Variants in ACOT7 observed in about 807,000 individuals in gnomAD.
The protein encoded by ACOT7 is acyl-CoA thioesterase 7.
Under a neutral mutation model 40.2 loss-of-function variants are expected in ACOT7, and 12 were observed. The ratio of observed to expected loss-of-function variants is 0.30; its 90% CI spans 0.19 to 0.48. The LOEUF is 0.48. ACOT7 is among the 20% of genes least tolerant of loss of function. ACOT7 has a pLI of 0.99. For missense variants in ACOT7, 395 were observed against 530.8 expected, an observed-to-expected ratio of 0.74 and a Z score of 2.51; for synonymous variants, 228 against 219.5, an observed-to-expected ratio of 1.04 and a Z score of -0.34.
At chr1:6,333,912 G>A (rs1456413817) in intron 3 of ACOT7, among the ~76,000 whole-genome samples, 2 of 152,114 alleles carry the variant, frequency 1.3e-5, no homozygotes, top group African/African-American at 2.4e-5. Flanking sequence ...ACCCACTCTG[G>A]GGCAGTTCTC....
chr1:6,391,792 C>T (rs1642537405), intron 1 of ACOT7, among the ~76,000 whole-genome samples: 1 of 152,160 alleles, frequency 6.6e-6, no homozygotes, highest in South Asian at 2.1e-4. Flanking sequence ...GTGGCACTAC[C>T]GACCATCAAC....
rs370806018 is a variant in ACOT7, at chr1:6,281,316, C to T, written c.830-30G>A. 96 of 1,591,000 alleles carry T rather than the reference C, an allele frequency of 6.0e-5. No homozygotes were observed. In the African/African-American group the frequency reaches 1.1e-3, roughly 19 times the overall value. On this transcript the variant is annotated intron_variant, in intron 7 of 8. Coordinates refer to ENST00000361521, the MANE Select transcript of ACOT7 (RefSeq NM_007274.4). ...GGAGAAGGGAGGGCGGGGGTCAGGG[C>T]GGCCTCCACCCCACGGCTGGGCGGG...
chr1:6,305,028 C>T (rs1348307506), intron 6 of ACOT7, among the ~76,000 whole-genome samples: 1 of 149,164 alleles, frequency 6.7e-6, no homozygotes, highest in African/African-American at 2.5e-5. Context: ...GGGGCGCTGA[C>T]CCCCCCGCCT....
chr1:6,385,163 C>CCAGCTGCCAGCTGTGAGCCAGCA, intron 1 of ACOT7, among the ~76,000 whole-genome samples: 1 of 152,032 alleles, frequency 6.6e-6, no homozygotes, highest in Admixed American at 6.5e-5. Context: ...GGCACGGATG[C>CCAGCTGCCAGCTGTGAGCCAGCA]CAGCTGCCAG....
rs530615047 is a variant in ACOT7, at chr1:6,301,633, A to G, written c.713-6653T>C. 6.6e-6 allele frequency among the ~76,000 whole-genome samples: 1 copy of G among 152,344 alleles called. No homozygotes were observed. The highest frequency in any genetic ancestry group is 1.9e-4 in the East Asian group (1 of 5,194). On this transcript the variant is annotated intron_variant, in intron 6 of 8. Coordinates refer to ENST00000361521, the MANE Select transcript of ACOT7 (RefSeq NM_007274.4). The surrounding 1 kb of genome is among the most constrained non-coding windows in gnomAD (Gnocchi z 4.1). ...TGGTTGCTGAATGAATGAATTAATC[A>G]ATGAATGAATGCAGGTTGACTAACA... is the stretch of plus-strand genomic sequence containing the variant.
rs189413926 is a variant in ACOT7 at position 6,362,867 on chromosome 1, T to C, written c.144-13001A>G. On this transcript the variant is annotated intron_variant, in intron 1 of 8. Transcript: ENST00000361521. ...GAGCTGGAGACTCTTCTAGGCAACA[T>C]GGTGAGACCCCATCTCTACCAAAAA... is the stretch of plus-strand genomic sequence containing the variant. 1.5e-3 allele frequency among the ~76,000 whole-genome samples: 226 copies of C among 152,056 alleles called. 1 individual carries two copies. The highest frequency in any genetic ancestry group is 5.4e-3 in the African/African-American group (222 of 41,466).
chr1:6,336,790 A>T (rs1641117420), intron 3 of ACOT7, among the ~76,000 whole-genome samples: 1 of 152,208 alleles, frequency 6.6e-6, no homozygotes, highest in Non-Finnish European at 1.5e-5. Flanking sequence ...CAGGGGACAC[A>T]TGGGCAGAGA....
chr1:6,370,162 T>G (rs1642101317), intron 1 of ACOT7, among the ~76,000 whole-genome samples: 1 of 152,124 alleles, frequency 6.6e-6, no homozygotes, highest in East Asian at 1.9e-4. Flanking sequence ...CTCCCTTCTC[T>G]CTCACTTCTC....
chr1:6,300,639 T>TCCC (rs1639944247), intron 6 of ACOT7, among the ~76,000 whole-genome samples: 3 of 70,414 alleles, frequency 4.3e-5, no homozygotes, highest in East Asian at 3.9e-4. Flanking sequence ...GTGGCCGGCC[T>TCCC]CTCTCCACAA....
chr1:6,314,729 C>G (rs567651500), intron 6 of ACOT7, among the ~76,000 whole-genome samples: 1 of 152,158 alleles, frequency 6.6e-6, no homozygotes, highest in Admixed American at 6.5e-5. Flanking sequence ...CCCAGTTTGC[C>G]CTCTTCACAT....
chr1:6,302,245 C>A (rs1341715621), intron 6 of ACOT7, among the ~76,000 whole-genome samples: 1 of 152,100 alleles, frequency 6.6e-6, no homozygotes, highest in South Asian at 2.1e-4. Context: ...GCTCTGAGCT[C>A]CCAAAGGATC....
At chr1:6,375,996 T>C (rs1326365605) in intron 1 of ACOT7, among the ~76,000 whole-genome samples, 1 of 152,020 alleles carries the variant, frequency 6.6e-6, no homozygotes, top group Non-Finnish European at 1.5e-5. Flanking sequence ...GGCTCACGCC[T>C]GTAATCCCAG....
rs758811103 is a variant in ACOT7, at chr1:6,282,865, A to G, written c.830-1579T>C. Reference sequence around the variant, plus strand: ...ACGCACCCCGGGAGGAGGGCAGGCCATGGGTCAGGCCCCAGCTAAGGAGCT... The same window carrying G: ...ACGCACCCCGGGAGGAGGGCAGGCCGTGGGTCAGGCCCCAGCTAAGGAGCT... On this transcript the variant is annotated intron_variant, in intron 7 of 8. Transcript: ENST00000361521. This position sits in a 1 kb window ranked among gnomAD's most constrained non-coding sequence, Gnocchi z 4.5. 4 of 1,143,394 alleles carry G rather than the reference A, an allele frequency of 3.5e-6. No homozygotes were observed. Among genetic ancestry groups the G allele is most frequent in the South Asian group, 1.3e-5 (1 of 77,848 alleles). 70.8% of individuals were successfully genotyped at this position (1,143,394 alleles called of 1,614,324 possible). A position where few individuals can be genotyped will look rare whatever the true frequency, so the allele number is the denominator to read the frequency against.
At chr1:6,265,301 A>C (rs1425719319) in intron 8 of ACOT7, among the ~76,000 whole-genome samples, 1 of 151,942 alleles carries the variant, frequency 6.6e-6, no homozygotes, top group South Asian at 2.1e-4. Flanking sequence ...CCCGGAGAGA[A>C]GTGGGGAAAG....
chr1:6,383,789 C>A (rs1251719531), intron 1 of ACOT7, among the ~76,000 whole-genome samples: 1 of 151,682 alleles, frequency 6.6e-6, no homozygotes, highest in Non-Finnish European at 1.5e-5. Context: ...ACTGTAAGCT[C>A]CGCCTCCCGG....
At position 6,338,529 on chromosome 1, in the gene ACOT7, C is replaced by T. The variant is rs562714132; in HGVS notation, c.418+904G>A. Among the ~76,000 whole-genome samples, 50 of 152,350 alleles carry T rather than the reference C, an allele frequency of 3.3e-4. No homozygotes were observed. The highest frequency in any genetic ancestry group is 1.2e-3 in the African/African-American group (48 of 41,590). On this transcript the variant is annotated intron_variant, in intron 3 of 8. Coordinates refer to ENST00000361521, the MANE Select transcript of ACOT7 (RefSeq NM_007274.4). The surrounding 1 kb of genome is among the most constrained non-coding windows in gnomAD (Gnocchi z 4.4). The stretch of plus-strand genomic sequence containing the variant: ...GCCCTTGCTCAGCTCCATCTGCCCA[C>T]CTGCCGGAGCTGGGCTGACACAGCC...
chr1:6,304,317 CAAAAA>C (rs112875652), intron 6 of ACOT7, among the ~76,000 whole-genome samples: 2 of 110,936 alleles, frequency 1.8e-5, no homozygotes, highest in Admixed American at 1.0e-4. Context: ...AATGTGGCAC[CAAAAA>C]AAAAAAAAAA....
Position 6,359,416 on chromosome 1 carries a change from C to G in ACOT7, c.144-9550G>C, listed in dbSNP as rs72858399. The G allele has an allele frequency of 0.044, 6,756 of 153,430 alleles. 408 individuals carry two copies. The highest frequency in any genetic ancestry group is 0.14 in the African/African-American group (5,736 of 41,542). The allele number at this position is 153,430 out of a possible 1,614,324, so 9.5% of individuals were successfully genotyped here. On this transcript the variant is annotated intron_variant, in intron 1 of 8. Coordinates refer to ENST00000361521, the MANE Select transcript of ACOT7 (RefSeq NM_007274.4). The surrounding 1 kb of genome is among the most constrained non-coding windows in gnomAD (Gnocchi z 4.1). ...GGCTGAAGCAAAGTGGACAGGCGGT[C>G]CAGCCTCCCCTCTCCTCAGGCCACA...
At chr1:6,342,154 G>A (rs1017240624) in intron 2 of ACOT7, among the ~76,000 whole-genome samples, 6 of 152,182 alleles carry the variant, frequency 3.9e-5, no homozygotes, top group South Asian at 2.1e-4. Context: ...GATCAGGGAC[G>A]GGCAGATTCC....
Sources: gnomAD v4.1 joint callset for allele counts (sites outside exome capture counted in the v4.1 genomes callset) on GRCh38, gnomAD v4.1.1 for gene constraint, Gnocchi (gnomAD v3.1) non-coding constraint, MANE v1.5 for transcripts, NCBI Gene and HGNC (gene_info 2026-07-23, HGNC 2026-07-21) for gene names.